The following MAD1L1 variants were observed in gnomAD, a reference collection of about 807,000 sequenced individuals.
MAD1L1 encodes mitotic spindle assembly checkpoint protein MAD1.
Under a neutral mutation model 96.9 loss-of-function variants are expected in MAD1L1, and 95 were observed. The observed-to-expected ratio is 0.98, with a 90% CI of 0.83 to 1.16. The LOEUF (loss-of-function observed/expected upper bound fraction) is 1.16, where lower values mean the gene tolerates loss of function less well. MAD1L1 is among the 50% of genes most tolerant of loss of function. MAD1L1 has a pLI of 0.00. For missense variants in MAD1L1, 1,007 were observed against 954.4 expected (o/e 1.06, Z -0.73); for synonymous variants, 473 against 396.6 (o/e 1.19, Z -2.29).
In MAD1L1 at chr7:2,114,660, G is replaced by C. The variant is rs1474961828; in HGVS notation, c.1073+34492C>G. The stretch of plus-strand genomic sequence containing the variant: ...CAAATCCCACCCACAGCCTGTTTTT[G>C]TAAACAACTTTTGTTTTTTTAACAA... On this transcript the variant is annotated intron_variant, in intron 11 of 18. Coordinates refer to ENST00000265854, the MANE Select transcript of MAD1L1 (RefSeq NM_001013836.2). The surrounding 1 kb of genome is among the most constrained non-coding windows in gnomAD (Gnocchi z 4.2). Among the ~76,000 whole-genome samples the C allele has an allele frequency of 6.6e-6, 1 of 152,198 alleles. No individual in the cohort carries two copies. The highest frequency in any genetic ancestry group is 1.5e-5 in the Non-Finnish European group (1 of 68,038).
rs1427894422 is a variant in MAD1L1, at chr7:1,969,961, C to G, written c.1505+10492G>C. Reference sequence around the variant, plus strand: ...GGAGTCAAACCCCCTGAAAAAGAACCACCACCAGGGAGACTCATAGCTCCT... The same window carrying G: ...GGAGTCAAACCCCCTGAAAAAGAACGACCACCAGGGAGACTCATAGCTCCT... On this transcript the variant is annotated intron_variant, in intron 15 of 18. Coordinates refer to ENST00000265854, the MANE Select transcript of MAD1L1 (RefSeq NM_001013836.2). Among the ~76,000 whole-genome samples the G allele has an allele frequency of 2.0e-5, 3 of 152,222 alleles. No individual in the cohort carries two copies. In the East Asian group the frequency reaches 5.8e-4, roughly 29 times the overall value.
At chr7:1,903,955 C>A (rs1220405600) in intron 17 of MAD1L1, among the ~76,000 whole-genome samples, 3 of 109,148 alleles carry the variant, frequency 2.7e-5, no homozygotes, top group Admixed American at 1.0e-4. Context: ...CTACGGAAGA[C>A]ACTCTTGCGG....
chr7:2,014,253 A>G (rs1347974890), intron 13 of MAD1L1, among the ~76,000 whole-genome samples: 1 of 152,132 alleles, frequency 6.6e-6, no homozygotes, highest in Admixed American at 6.5e-5. Context: ...TCCCTCTGTC[A>G]TCCGCTTGCA....
rs556959822 is a variant in MAD1L1, at chr7:2,169,771, G to T, written c.987-20533C>A. ...CTGAGAGCACAAAGGCCCACTGGGGGCACTCGGAGCAGGGGCTGGACCACA... is the reference window on the plus strand; with the variant it reads ...CTGAGAGCACAAAGGCCCACTGGGGTCACTCGGAGCAGGGGCTGGACCACA... On this transcript the variant is annotated intron_variant, in intron 10 of 18. Coordinates refer to ENST00000265854, the MANE Select transcript of MAD1L1 (RefSeq NM_001013836.2). Among the ~76,000 whole-genome samples the T allele has an allele frequency of 5.7e-3, 801 of 141,500 alleles. 58 individuals are homozygous for T. Among genetic ancestry groups the T allele is most frequent in the African/African-American group, 0.023 (761 of 32,604 alleles). 92.8% of individuals were successfully genotyped at this position (141,500 alleles called of 152,430 possible). A position where few individuals can be genotyped will look rare whatever the true frequency, so the allele number is the denominator to read the frequency against.
intron 15 of MAD1L1, among the ~76,000 whole-genome samples, chr7:1,962,930 G>C (rs962311693): frequency 2.0e-5 from 3 of 152,150 alleles, no homozygotes; most frequent in Non-Finnish European, 2.9e-5. Flanking sequence ...CTGGGCAACA[G>C]AGCAAGACCC....
intron 16 of MAD1L1, among the ~76,000 whole-genome samples, chr7:1,945,078 C>T (rs1405510533): frequency 6.6e-6 from 1 of 152,178 alleles, no homozygotes; most frequent in Admixed American, 6.5e-5. Context: ...TAGATGGGGG[C>T]TGCGAAGGGC....
intron 12 of MAD1L1, among the ~76,000 whole-genome samples, chr7:2,049,544 G>A (rs541919547): frequency 2.0e-5 from 3 of 152,328 alleles, no homozygotes; most frequent in South Asian, 2.1e-4. Context: ...GCGGTAGGAG[G>A]AAGGACTCAC....
intron 16 of MAD1L1, among the ~76,000 whole-genome samples, chr7:1,943,816 C>T (rs745687536): frequency 4.6e-5 from 7 of 152,034 alleles, no homozygotes; most frequent in Admixed American, 1.3e-4. Context: ...AGCCCCAAAG[C>T]GGAAACCATC....
At chr7:1,892,686 G>A (rs1562497085) in intron 18 of MAD1L1, among the ~76,000 whole-genome samples, 5 of 152,132 alleles carry the variant, frequency 3.3e-5, no homozygotes, top group South Asian at 4.1e-4. Context: ...TGACAAACCC[G>A]GTAGGTCGAC....
intron 14 of MAD1L1, among the ~76,000 whole-genome samples, chr7:1,981,784 G>A (rs1350304361): frequency 6.6e-6 from 1 of 152,154 alleles, no homozygotes; most frequent in Non-Finnish European, 1.5e-5. Context: ...AGGAGCCTGG[G>A]AAAAAAGGCA....
chr7:1,906,927 C>T (rs1267839889), intron 17 of MAD1L1, among the ~76,000 whole-genome samples: 1 of 152,228 alleles, frequency 6.6e-6, no homozygotes, highest in Non-Finnish European at 1.5e-5. Context: ...TCCCTGAACA[C>T]CCGTGTTCAT....
At chr7:1,923,632 T>C (rs1788928622) in intron 17 of MAD1L1, among the ~76,000 whole-genome samples, 1 of 152,278 alleles carries the variant, frequency 6.6e-6, no homozygotes, top group African/African-American at 2.4e-5. Flanking sequence ...TCCAACGCTG[T>C]GGCTGGCGTT....
chr7:2,125,509 C>T (rs549663025), intron 11 of MAD1L1, among the ~76,000 whole-genome samples: 1 of 152,300 alleles, frequency 6.6e-6, no homozygotes, highest in Admixed American at 6.5e-5. Context: ...CTGAGATATC[C>T]TTTGAATATT....
intron 10 of MAD1L1, among the ~76,000 whole-genome samples, chr7:2,186,782 TTTTC>T (rs1424029980): frequency 1.3e-5 from 2 of 150,940 alleles, no homozygotes; most frequent in African/African-American, 2.5e-5. Context: ...ATCAAAACTA[TTTTC>T]TTTTTCTTTT....
At chr7:2,165,786 G>T (rs544549438) in intron 10 of MAD1L1, among the ~76,000 whole-genome samples, 2 of 152,162 alleles carry the variant, frequency 1.3e-5, no homozygotes, top group Non-Finnish European at 2.9e-5. Flanking sequence ...GGCTCAGGGC[G>T]AGACAGAGTG....
chr7:2,149,070 G>C, intron 11 of MAD1L1, 82 bp downstream of exon 11: 1 of 1,244,370 alleles, frequency 8.0e-7, no homozygotes, highest in Non-Finnish European at 1.2e-6. Context: ...TCCCCCAAGA[G>C]CCAGGGGGCA....
chr7:2,036,402 G>A (rs953845038), intron 12 of MAD1L1, among the ~76,000 whole-genome samples: 2 of 152,216 alleles, frequency 1.3e-5, no homozygotes, highest in South Asian at 2.1e-4. Flanking sequence ...GCATTCCTGC[G>A]CCACCTCCGT....
chr7:2,073,109 C>G lies in MAD1L1; in HGVS notation c.1074-3771G>C, dbSNP rs576892850. On this transcript the variant is annotated intron_variant, in intron 11 of 18. Coordinates refer to ENST00000265854, the MANE Select transcript of MAD1L1 (RefSeq NM_001013836.2). Reference sequence around the variant, plus strand: ...CCACTCTCTGCAGCCTAGGCCGCCTCGGTGAGGCAGGACGGCAGGCACCGA... The same window carrying G: ...CCACTCTCTGCAGCCTAGGCCGCCTGGGTGAGGCAGGACGGCAGGCACCGA... Among the ~76,000 whole-genome samples the G allele has an allele frequency of 3.9e-5, 6 of 152,298 alleles. No homozygotes were observed. The South Asian group carries it at 1.2e-3, about 32-fold the overall frequency.
At chr7:1,963,061 T>C (rs1780015698) in intron 15 of MAD1L1, among the ~76,000 whole-genome samples, 1 of 152,180 alleles carries the variant, frequency 6.6e-6, no homozygotes, top group African/African-American at 2.4e-5. Flanking sequence ...TCGGAACACG[T>C]TACACACGTG....
Sources: allele counts gnomAD v4.1 joint callset (sites outside exome capture counted in the v4.1 genomes callset), GRCh38; gene constraint gnomAD v4.1.1; non-coding constraint Gnocchi (gnomAD v3.1); transcripts MANE v1.5; gene names NCBI Gene and HGNC (gene_info 2026-07-23, HGNC 2026-07-21).